The following AUTS2 variants were observed in gnomAD, a reference collection of about 807,000 sequenced individuals.
AUTS2 encodes the protein activator of transcription and developmental regulator AUTS2, also known as autism susceptibility gene 2 protein.
Under a neutral mutation model 112.4 loss-of-function variants are expected in AUTS2, and 17 were observed. The ratio of observed to expected loss-of-function variants is 0.15; its 90% CI spans 0.10 to 0.23. AUTS2 has a LOEUF of 0.23. AUTS2 is among the 10% of genes least tolerant of loss of function. The pLI is 1.00. For missense variants in AUTS2, 1,510 were observed against 1,701.6 expected (o/e 0.89, Z 1.98); for synonymous variants, 751 against 702.7 (o/e 1.07, Z -1.09).
At chr7:70,518,008 G>A (rs992228143) in intron 5 of AUTS2, among the ~76,000 whole-genome samples, 2 of 152,176 alleles carry the variant, frequency 1.3e-5, no homozygotes. Context: ...CATTTGGGCA[G>A]ATACTTACTC....
At chr7:70,042,861 C>A (rs1801307061) in intron 2 of AUTS2, among the ~76,000 whole-genome samples, 2 of 152,114 alleles carry the variant, frequency 1.3e-5, no homozygotes, top group Non-Finnish European at 2.9e-5. Context: ...CTGATAGAAA[C>A]CTACATGCTT....
At chr7:70,781,236 C>T (rs983412697) in intron 14 of AUTS2, among the ~76,000 whole-genome samples, 1 of 151,992 alleles carries the variant, frequency 6.6e-6, no homozygotes, top group African/African-American at 2.4e-5. Context: ...TGGGAGGCAC[C>T]TGTAATCCCA....
Position 70,118,114 on chromosome 7 carries a change from C to A in AUTS2, c.523-18C>A, listed in dbSNP as rs1480954596. 6 of 1,571,448 alleles carry A rather than the reference C, an allele frequency of 3.8e-6. No individual in the cohort carries two copies. The highest frequency in any genetic ancestry group is 5.1e-6 in the Non-Finnish European group (6 of 1,167,088). On this transcript the variant is annotated intron_variant, in intron 2 of 18. Transcript: ENST00000342771. Reference sequence around the variant, plus strand: ...GACCACTAACTTTTTCCTTTTTTCTCTTTTCTTTTGCCTTTAGCTCAAGCC... The same window carrying A: ...GACCACTAACTTTTTCCTTTTTTCTATTTTCTTTTGCCTTTAGCTCAAGCC...
chr7:70,205,271 C>T (rs932103730), intron 4 of AUTS2, among the ~76,000 whole-genome samples: 28 of 152,080 alleles, frequency 1.8e-4, no homozygotes, highest in Non-Finnish European at 1.3e-4. Context: ...TGGTCTTGAA[C>T]TCTTAGCCTC....
chr7:70,178,960 C>A (rs1206588128), intron 4 of AUTS2, among the ~76,000 whole-genome samples: 3 of 152,162 alleles, frequency 2.0e-5, no homozygotes, highest in African/African-American at 4.8e-5. Context: ...TTGTTTATGA[C>A]TGTGTTTTTA....
At chr7:70,004,225 AAT>A (rs1204709785) in intron 2 of AUTS2, among the ~76,000 whole-genome samples, 2 of 135,554 alleles carry the variant, frequency 1.5e-5, no homozygotes, top group Admixed American at 8.0e-5. Context: ...GTTATATGTG[AAT>A]ATATATTATA....
At chr7:70,177,924 T>G (rs1809080020) in intron 4 of AUTS2, among the ~76,000 whole-genome samples, 1 of 151,576 alleles carries the variant, frequency 6.6e-6, no homozygotes, top group African/African-American at 2.4e-5. Flanking sequence ...TTCTGTTTTT[T>G]TTTTTTTTTT....
chr7:70,649,592 G>A (rs1314161278), intron 5 of AUTS2, among the ~76,000 whole-genome samples: 9 of 151,736 alleles, frequency 5.9e-5, no homozygotes, highest in Admixed American at 2.0e-4. Context: ...GCAGTAGTGC[G>A]ATCTTGGCTT....
intron 5 of AUTS2, among the ~76,000 whole-genome samples, chr7:70,652,738 A>G (rs1806573183): frequency 6.6e-6 from 1 of 151,996 alleles, no homozygotes; most frequent in Non-Finnish European, 1.5e-5. Flanking sequence ...TAAAAAAAGA[A>G]TGGTTTTATT....
chr7:70,394,447 T>C (rs1484143188), intron 4 of AUTS2, among the ~76,000 whole-genome samples: 3 of 152,206 alleles, frequency 2.0e-5, no homozygotes, highest in Non-Finnish European at 4.4e-5. Context: ...CCTGATACGG[T>C]ATCTCTCAGT....
chr7:70,072,004 A>G (rs958582003), intron 2 of AUTS2, among the ~76,000 whole-genome samples: 1 of 152,206 alleles, frequency 6.6e-6, no homozygotes, highest in Non-Finnish European at 1.5e-5. Context: ...CTGCGGCCCA[A>G]GGGAAAACTC....
chr7:70,350,927 G>T (rs1336021296), intron 4 of AUTS2, among the ~76,000 whole-genome samples: 1 of 151,624 alleles, frequency 6.6e-6, no homozygotes, highest in African/African-American at 2.4e-5. Flanking sequence ...CTATGTCTTT[G>T]ACTGTTGTTT....
chr7:70,366,440 G>A (rs991068397), intron 4 of AUTS2, among the ~76,000 whole-genome samples: 2 of 152,192 alleles, frequency 1.3e-5, no homozygotes, highest in Admixed American at 1.3e-4. Flanking sequence ...AGCAAAGCAG[G>A]TGAAGGCTGT....
At position 70,790,063 on chromosome 7, in the gene AUTS2, G is replaced by A. The variant is rs771404775; in HGVS notation, c.2847G>A (p.Val949=). The A allele has an allele frequency of 4.4e-6, 7 of 1,577,826 alleles. No homozygotes were observed. Among genetic ancestry groups the A allele is most frequent in the Non-Finnish European group, 6.0e-6 (7 of 1,163,712 alleles). The change falls in exon 19 of 19, where the codon GTG becomes GTA. Residue 949 remains valine (V), a synonymous_variant. Coordinates refer to ENST00000342771, the MANE Select transcript of AUTS2 (RefSeq NM_015570.4). The surrounding 1 kb of genome is among the most constrained non-coding windows in gnomAD (Gnocchi z 7.6). The stretch of plus-strand genomic sequence containing the variant: ...CTCCCTACGTGCGGACCCCGGTGGT[G>A]GAGAGTGCCAGGCCCAACAGCACCT... ...VPSPYVRTPV[V]ESARPNSTSS... is the part of the protein sequence containing the mutation.
chr7:70,065,302 G>A (rs1460199136), intron 2 of AUTS2, among the ~76,000 whole-genome samples: 2 of 152,112 alleles, frequency 1.3e-5, no homozygotes, highest in African/African-American at 4.8e-5. Flanking sequence ...TAACATGAAA[G>A]AAATGTTTAT....
chr7:70,331,526 T>C (rs1790747312), intron 4 of AUTS2, among the ~76,000 whole-genome samples: 1 of 151,872 alleles, frequency 6.6e-6, no homozygotes, highest in East Asian at 1.9e-4. Context: ...ATTTTTTTTT[T>C]TTTTGAAGGG....
chr7:70,311,472 G>T (rs1261701731), intron 4 of AUTS2, among the ~76,000 whole-genome samples: 1 of 152,182 alleles, frequency 6.6e-6, no homozygotes, highest in Admixed American at 6.5e-5. Flanking sequence ...ACGCCAGTAG[G>T]GTATAACTCC....
At chr7:69,864,589 C>A (rs960237951) in intron 1 of AUTS2, among the ~76,000 whole-genome samples, 4 of 152,178 alleles carry the variant, frequency 2.6e-5, no homozygotes, top group Non-Finnish European at 4.4e-5. Context: ...GCAGCAGGAG[C>A]ATTGTTTACT....
intron 5 of AUTS2, among the ~76,000 whole-genome samples, chr7:70,540,618 C>A (rs1441266237): frequency 6.6e-6 from 1 of 152,132 alleles, no homozygotes; most frequent in Non-Finnish European, 1.5e-5. Context: ...ACTTGGGTTT[C>A]CATCGATTCA....
Sources: gnomAD v4.1 joint callset for allele counts (sites outside exome capture counted in the v4.1 genomes callset) on GRCh38, gnomAD v4.1.1 for gene constraint, Gnocchi (gnomAD v3.1) non-coding constraint, MANE v1.5 for transcripts, NCBI Gene and HGNC (gene_info 2026-07-23, HGNC 2026-07-21) for gene names.